The following IL6R variants were observed in gnomAD, a reference collection of about 807,000 sequenced individuals.
IL6R encodes the protein interleukin-6 receptor subunit alpha.
A neutral mutation model predicts 48.3 loss-of-function variants in IL6R; 38 were observed. The observed-to-expected ratio is 0.79, with a 90% CI of 0.61 to 1.03. The LOEUF (loss-of-function observed/expected upper bound fraction) is 1.03, where lower values mean the gene tolerates loss of function less well. Ranked by LOEUF, IL6R falls within the 50% of genes least tolerant of loss-of-function variation. The probability of loss-of-function intolerance (pLI) is 0.00; values close to 1 mark genes in which losing one functional copy is unlikely to be tolerated. For missense variants in IL6R, 534 were observed against 618.3 expected (o/e 0.86, Z 1.45); for synonymous variants, 264 against 256.2 (o/e 1.03, Z -0.29).
chr1:154,432,144 C>T (rs1018703324), intron 3 of IL6R, among the ~76,000 whole-genome samples: 2 of 152,140 alleles, frequency 1.3e-5, no homozygotes, highest in African/African-American at 2.4e-5. Context: ...ATGAAAAGTG[C>T]GGATTACCAT....
Position 154,428,581 on chromosome 1 carries a change from G to T in IL6R, c.86-615G>T, listed in dbSNP as rs577006676. Among the ~76,000 whole-genome samples the T allele has an allele frequency of 2.6e-4, 39 of 152,354 alleles. 1 individual carries two copies. In the South Asian group the frequency reaches 7.9e-3, roughly 31 times the overall value. ...AGACTCCTGCCATGGGCCAGGCAAC[G>T]TCCCGGGCACTTGGAATATAATGGA... On this transcript the variant is annotated intron_variant, in intron 1 of 9. Coordinates refer to ENST00000368485, the MANE Select transcript of IL6R (RefSeq NM_000565.4).
chr1:154,436,410 G>C (rs1002921760), intron 6 of IL6R, among the ~76,000 whole-genome samples: 1 of 152,214 alleles, frequency 6.6e-6, no homozygotes, highest in African/African-American at 2.4e-5. Flanking sequence ...CCCAGGAGGC[G>C]GAGGTTGCAG....
Position 154,465,691 on chromosome 1 carries a change from TGGTGGGGGCCTC to T in IL6R, c.*316_*327del. The T allele has an allele frequency of 2.9e-6, 1 of 346,664 alleles. No individual in the cohort carries two copies. The highest frequency in any genetic ancestry group is 8.8e-4 in the Middle Eastern group (1 of 1,132). 21.5% of individuals were successfully genotyped at this position (346,664 alleles called of 1,614,324 possible). A position where few individuals can be genotyped will look rare whatever the true frequency, so the allele number is the denominator to read the frequency against. On this transcript the variant is annotated 3_prime_UTR_variant, in exon 10 of 10. Coordinates refer to ENST00000368485, the MANE Select transcript of IL6R (RefSeq NM_000565.4). ...ACGGACACTCAAAAGCTGGGCAGGT[TGGTGGGGGCCTC>T]GGTGTGGAGAAGCGGCTGGCAGCCC...
At chr1:154,425,097 C>T (rs1039741629) in intron 1 of IL6R, among the ~76,000 whole-genome samples, 3 of 152,230 alleles carry the variant, frequency 2.0e-5, no homozygotes, top group South Asian at 2.1e-4. Flanking sequence ...ATAACATAAC[C>T]GATTAGGTCA....
chr1:154,447,257 G>A (rs1036410978), intron 6 of IL6R, among the ~76,000 whole-genome samples: 3 of 151,360 alleles, frequency 2.0e-5, no homozygotes, highest in African/African-American at 4.9e-5. Context: ...TGGCCAATAT[G>A]GTGAAACCCT....
rs759668639 is a variant in IL6R at position 154,429,407 on chromosome 1, C to T, written c.297C>T (p.Ala99=). The T allele has an allele frequency of 8.1e-6, 13 of 1,613,714 alleles. No individual in the cohort carries two copies. In the East Asian group the frequency reaches 8.9e-5, roughly 11 times the overall value. The part of the protein sequence containing the change: ...HDSGNYSCYR[A]GRPAGTVHLL... Reference sequence around the variant, plus strand: ...CTGGAAACTATTCATGCTACCGGGCCGGCCGCCCAGCTGGGACTGTGCACT... The same window carrying T: ...CTGGAAACTATTCATGCTACCGGGCTGGCCGCCCAGCTGGGACTGTGCACT... The change falls in exon 2 of 10, where the codon GCC becomes GCT. Residue 99 remains alanine, a synonymous_variant. Coordinates refer to ENST00000368485, the MANE Select transcript of IL6R (RefSeq NM_000565.4).
In IL6R at chr1:154,468,024, CA is replaced by C. The variant is rs1278150828; in HGVS notation, c.*2647del. The C allele has an allele frequency of 6.6e-6, 1 of 152,170 alleles. No homozygotes were observed. The allele number at this position is 152,170 out of a possible 1,614,324, so 9.4% of individuals were successfully genotyped here. ...CCAAGAGCTAGGCAGCTTTGATCTC[CA>C]AATTGTTATTGCTTTCATTTTTATT... On this transcript the variant is annotated 3_prime_UTR_variant, in exon 10 of 10. Transcript: ENST00000368485.
At chr1:154,422,976 G>A (rs1688763740) in intron 1 of IL6R, among the ~76,000 whole-genome samples, 1 of 152,108 alleles carries the variant, frequency 6.6e-6, no homozygotes, top group South Asian at 2.1e-4. Flanking sequence ...GAGGAATCAA[G>A]GCTGAGCCCA....
chr1:154,454,377 GTTCCT>G lies in IL6R; in HGVS notation c.1067-108_1067-104del, dbSNP rs1690753629. ...TCTGGGAGGGGGGTTGGAGGGGAAG[GTTCCT>G]TTGAGGCTTTTGACAGCACCAGCTA... On this transcript the variant is annotated intron_variant, in intron 8 of 9. Transcript: ENST00000368485. 3 of 698,250 alleles carry G rather than the reference GTTCCT, an allele frequency of 4.3e-6. No individual in the cohort carries two copies. The Admixed American group carries it at 7.0e-5, about 16-fold the overall frequency. The allele number at this position is 698,250 out of a possible 1,614,324, so 43.3% of individuals were successfully genotyped here. A position where few individuals can be genotyped will look rare whatever the true frequency, so the allele number is the denominator to read the frequency against.
At chr1:154,438,962 C>A (rs545528044) in intron 6 of IL6R, among the ~76,000 whole-genome samples, 1 of 152,128 alleles carries the variant, frequency 6.6e-6, no homozygotes, top group Non-Finnish European at 1.5e-5. Flanking sequence ...TTAGGGAGAC[C>A]ATTTTAATAA....
At chr1:154,460,170 G>A (rs1691164526) in intron 9 of IL6R, among the ~76,000 whole-genome samples, 1 of 152,172 alleles carries the variant, frequency 6.6e-6, no homozygotes, top group Admixed American at 6.5e-5. Flanking sequence ...GCCCAAATAT[G>A]TAAAATAGAT....
At chr1:154,424,006 GA>G (rs1688836271) in intron 1 of IL6R, among the ~76,000 whole-genome samples, 1 of 152,224 alleles carries the variant, frequency 6.6e-6, no homozygotes, top group Non-Finnish European at 1.5e-5. Flanking sequence ...GAAATGACCA[GA>G]AAGACATTTA....
chr1:154,437,532 G>A (rs1468665226), intron 6 of IL6R: 4 of 437,446 alleles, frequency 9.1e-6, no homozygotes, highest in Non-Finnish European at 1.9e-5. Context: ...TCCCGCCTCA[G>A]CCTCCTAAGT....
intron 6 of IL6R, among the ~76,000 whole-genome samples, chr1:154,444,872 C>T (rs1308114545): frequency 6.6e-6 from 1 of 152,198 alleles, no homozygotes; most frequent in Non-Finnish European, 1.5e-5. Flanking sequence ...TACTGCACTC[C>T]AGCCTGGGCA....
intron 9 of IL6R, among the ~76,000 whole-genome samples, chr1:154,455,943 G>C (rs1557779549): frequency 6.6e-6 from 1 of 151,880 alleles, no homozygotes; most frequent in African/African-American, 2.4e-5. Flanking sequence ...TGTAATCCCA[G>C]CTACTCGGGA....
At chr1:154,433,169 G>A (rs528973628) in intron 3 of IL6R, among the ~76,000 whole-genome samples, 1 of 152,330 alleles carries the variant, frequency 6.6e-6, no homozygotes, top group Non-Finnish European at 1.5e-5. Flanking sequence ...GAGGAAAGGG[G>A]CTTTAACTCA....
At chr1:154,451,001 C>T (rs1196755422) in intron 8 of IL6R, among the ~76,000 whole-genome samples, 1 of 152,358 alleles carries the variant, frequency 6.6e-6, no homozygotes, top group Middle Eastern at 3.4e-3. Flanking sequence ...CATCCCTGTT[C>T]TCAAGGAGGC....
In IL6R at chr1:154,445,616, G is replaced by C. The variant is rs537783371; in HGVS notation, c.950-2509G>C. 5.9e-5 allele frequency among the ~76,000 whole-genome samples: 9 copies of C among 152,134 alleles called. No individual in the cohort carries two copies. The South Asian group carries it at 1.7e-3, about 28-fold the overall frequency. On this transcript the variant is annotated intron_variant, in intron 6 of 9. Transcript: ENST00000368485. ...ATACAAAAAATTAGGCGGGTGTGGT[G>C]GTGGGCGCCTGTAGTCCCAGCTACT...
At chr1:154,417,554 A>G (rs546073334) in intron 1 of IL6R, among the ~76,000 whole-genome samples, 1 of 152,188 alleles carries the variant, frequency 6.6e-6, no homozygotes, top group Admixed American at 6.5e-5. Context: ...GGTTTGGGCC[A>G]GGGAGTGGAT....
Sources: allele counts gnomAD v4.1 joint callset (sites outside exome capture counted in the v4.1 genomes callset), GRCh38; gene constraint gnomAD v4.1.1; transcripts MANE v1.5; gene names NCBI Gene and HGNC (gene_info 2026-07-23, HGNC 2026-07-21).